Variants in ITPR2 observed in about 807,000 individuals in gnomAD.
The protein encoded by ITPR2 is inositol 1,4,5-trisphosphate receptor type 2, also known as inositol 1,4,5-trisphosphate-gated calcium channel ITPR2.
ITPR2 carries 207 observed loss-of-function variants against 317.1 expected under a neutral mutation model. That is an observed-to-expected ratio of 0.65 (90% CI 0.58 to 0.73). ITPR2 has a LOEUF of 0.73. Ranked by LOEUF, ITPR2 falls within the 30% of genes least tolerant of loss-of-function variation. The pLI is 0.00. For synonymous variants in ITPR2, 1,156 were observed against 1,149.1 expected (o/e 1.01, Z -0.12); for missense variants, 2,613 against 3,284.0 (o/e 0.80, Z 4.99).
At chr12:26,764,845 C>A (rs1283849715) in intron 2 of ITPR2, among the ~76,000 whole-genome samples, 1 of 152,038 alleles carries the variant, frequency 6.6e-6, no homozygotes, top group Non-Finnish European at 1.5e-5. Context: ...GCCCACATTT[C>A]TTTTTAATGA....
chr12:26,809,333 T>G (rs755035291), intron 1 of ITPR2, among the ~76,000 whole-genome samples: 14 of 152,244 alleles, frequency 9.2e-5, no homozygotes, highest in African/African-American at 1.4e-4. Flanking sequence ...AAAAGTAGAT[T>G]CCTTTTCAAT....
chr12:26,411,236 C>A (rs1479867300), intron 52 of ITPR2, 84 bp downstream of exon 52: 2 of 841,406 alleles, frequency 2.4e-6, no homozygotes, highest in Non-Finnish European at 3.9e-6. Context: ...ATTTGTAGAG[C>A]AATTCCCTAA....
chr12:26,645,758 A>G (rs543455608), intron 21 of ITPR2, among the ~76,000 whole-genome samples: 11 of 152,334 alleles, frequency 7.2e-5, no homozygotes, highest in African/African-American at 2.6e-4. Context: ...CAGAGACCTG[A>G]AAAGAGCTCA....
chr12:26,782,029 TATATGTATAG>T lies in ITPR2; in HGVS notation c.163+8118_163+8127del, dbSNP rs1264421282. Among the ~76,000 whole-genome samples the T allele has an allele frequency of 3.5e-3, 85 of 24,110 alleles. 1 individual carries two copies. Among genetic ancestry groups the T allele is most frequent in the Non-Finnish European group, 5.4e-3 (64 of 11,812 alleles). The allele number at this position is 24,110 out of a possible 152,430, so 15.8% of individuals were successfully genotyped here. A position where few individuals can be genotyped will look rare whatever the true frequency, so the allele number is the denominator to read the frequency against. Reference sequence around the variant, plus strand: ...ATATATATATATATATATATATATATATATGTATAGAGAGAGAGAGAGAGAGAGAGAGAGA... The same window carrying T: ...ATATATATATATATATATATATATATAGAGAGAGAGAGAGAGAGAGAGAGA... On this transcript the variant is annotated intron_variant, in intron 2 of 56. Coordinates refer to ENST00000381340, the MANE Select transcript of ITPR2 (RefSeq NM_002223.4).
chr12:26,822,857 T>C (rs1047822529), intron 1 of ITPR2, among the ~76,000 whole-genome samples: 1 of 152,200 alleles, frequency 6.6e-6, no homozygotes, highest in Non-Finnish European at 1.5e-5. Flanking sequence ...AAGCATAAAA[T>C]AGGTTCTCAG....
chr12:26,357,756 G>A (rs1028231844), intron 55 of ITPR2, among the ~76,000 whole-genome samples: 1 of 152,218 alleles, frequency 6.6e-6, no homozygotes, highest in Admixed American at 6.5e-5. Flanking sequence ...GCACCCAGTT[G>A]GGAATGAAAC....
intron 1 of ITPR2, among the ~76,000 whole-genome samples, chr12:26,808,411 C>T (rs1950674963): frequency 6.6e-6 from 1 of 152,168 alleles, no homozygotes; most frequent in South Asian, 2.1e-4. Context: ...CTGCCACATA[C>T]TAAAAAATAA....
intron 29 of ITPR2, among the ~76,000 whole-genome samples, chr12:26,599,598 G>C (rs1257738895): frequency 6.6e-6 from 1 of 152,068 alleles, no homozygotes; most frequent in Admixed American, 6.6e-5. Flanking sequence ...GTATTCTTGA[G>C]ACTAATTATG....
chr12:26,795,733 C>T (rs1407303666), intron 1 of ITPR2, among the ~76,000 whole-genome samples: 1 of 152,166 alleles, frequency 6.6e-6, no homozygotes, highest in African/African-American at 2.4e-5. Context: ...CCTGCAATCC[C>T]AGCACTTTGG....
intron 32 of ITPR2, among the ~76,000 whole-genome samples, chr12:26,595,154 C>T (rs1190138122): frequency 1.3e-5 from 2 of 152,128 alleles, no homozygotes; most frequent in Admixed American, 1.3e-4. Flanking sequence ...GCAAATTGAC[C>T]TCTGCCAAAT....
At chr12:26,432,030 AT>A (rs35715752) in intron 48 of ITPR2, among the ~76,000 whole-genome samples, 143,032 of 151,958 alleles carry the variant, frequency 0.94, 67,349 homozygotes, top group East Asian at 1. Flanking sequence ...TACATTTATT[AT>A]TTTTTTTTCT....
intron 2 of ITPR2, among the ~76,000 whole-genome samples, chr12:26,766,261 A>G (rs1221208488): frequency 6.6e-6 from 1 of 151,956 alleles, no homozygotes; most frequent in Non-Finnish European, 1.5e-5. Context: ...GAGGGTCTCA[A>G]TATCTCCACA....
At chr12:26,690,630 C>G (rs1334476753) in intron 10 of ITPR2, among the ~76,000 whole-genome samples, 1 of 152,112 alleles carries the variant, frequency 6.6e-6, no homozygotes, top group Non-Finnish European at 1.5e-5. Flanking sequence ...AATAAATTTT[C>G]TAGACTTATA....
intron 11 of ITPR2, among the ~76,000 whole-genome samples, chr12:26,684,951 G>C (rs867301138): frequency 2.2e-4 from 34 of 152,200 alleles, no homozygotes; most frequent in African/African-American, 7.9e-4. Context: ...AAAAAAGAGT[G>C]AGAGATGGAC....
chr12:26,515,408 T>G (rs1476252030), intron 37 of ITPR2, among the ~76,000 whole-genome samples: 1 of 152,160 alleles, frequency 6.6e-6, no homozygotes, highest in African/African-American at 2.4e-5. Context: ...CTGTGTAAAC[T>G]ATCAAAGCCC....
At chr12:26,795,261 G>T (rs1950413133) in intron 1 of ITPR2, among the ~76,000 whole-genome samples, 1 of 152,136 alleles carries the variant, frequency 6.6e-6, no homozygotes, top group Non-Finnish European at 1.5e-5. Context: ...CTTCACATAA[G>T]AAGTTAATAC....
At chr12:26,717,564 C>A (rs1281413367) in intron 5 of ITPR2, among the ~76,000 whole-genome samples, 1 of 152,158 alleles carries the variant, frequency 6.6e-6, no homozygotes, top group Non-Finnish European at 1.5e-5. Flanking sequence ...ATCATAGAAG[C>A]TCTCTATATA....
intron 32 of ITPR2, among the ~76,000 whole-genome samples, chr12:26,581,049 T>G (rs1229226640): frequency 6.6e-6 from 1 of 152,104 alleles, no homozygotes; most frequent in Non-Finnish European, 1.5e-5. Context: ...AAGTTTAAAT[T>G]TTCACAAAAT....
intron 37 of ITPR2, among the ~76,000 whole-genome samples, chr12:26,541,324 A>G (rs115425731): frequency 9.9e-5 from 15 of 151,982 alleles, no homozygotes; most frequent in Non-Finnish European, 2.1e-4. Flanking sequence ...TCTCAAAAAA[A>G]TAAAATAAAA....
Sources: allele counts gnomAD v4.1 joint callset (sites outside exome capture counted in the v4.1 genomes callset), GRCh38; gene constraint gnomAD v4.1.1; transcripts MANE v1.5; gene names NCBI Gene and HGNC (gene_info 2026-07-23, HGNC 2026-07-21).